Variants in EYS observed in about 807,000 individuals in gnomAD.
The protein encoded by EYS is EGF-like photoreceptor maintenance factor.
Under a neutral mutation model 282.1 loss-of-function variants are expected in EYS, and 250 were observed. The ratio of observed to expected loss-of-function variants is 0.89; its 90% CI spans 0.80 to 0.98. The LOEUF is 0.98. Ranked by LOEUF, EYS falls within the 50% of genes least tolerant of loss-of-function variation. The probability of loss-of-function intolerance (pLI) is 0.00; values close to 1 mark genes in which losing one functional copy is unlikely to be tolerated. For synonymous variants in EYS, 1,355 were observed against 1,282.9 expected (o/e 1.06, Z -1.20); for missense variants, 4,016 against 3,709.0 (o/e 1.08, Z -2.15).
At chr6:64,836,604 T>A (rs563535825) in intron 19 of EYS, among the ~76,000 whole-genome samples, 28 of 151,648 alleles carry the variant, frequency 1.8e-4, no homozygotes, top group African/African-American at 6.5e-4. Flanking sequence ...AAAATTTTTT[T>A]CATAAAAAAG....
intron 5 of EYS, among the ~76,000 whole-genome samples, chr6:65,460,501 G>A (rs1177204161): frequency 6.6e-6 from 1 of 151,944 alleles, no homozygotes; most frequent in Non-Finnish European, 1.5e-5. Context: ...CATCAGACCT[G>A]ATAATTTGGA....
intron 26 of EYS, among the ~76,000 whole-genome samples, chr6:64,450,927 C>G (rs1775310185): frequency 6.6e-6 from 1 of 151,970 alleles, no homozygotes; most frequent in Non-Finnish European, 1.5e-5. Flanking sequence ...AATTGAGACC[C>G]TAACATCAAA....
chr6:65,189,278 A>G (rs2150238447), intron 12 of EYS, among the ~76,000 whole-genome samples: 1 of 151,832 alleles, frequency 6.6e-6, no homozygotes, highest in South Asian at 2.1e-4. Context: ...ATTCAATATC[A>G]ACTTGCCCAC....
intron 18 of EYS, among the ~76,000 whole-genome samples, chr6:64,900,360 C>T (rs542730023): frequency 6.6e-6 from 1 of 152,234 alleles, no homozygotes; most frequent in Non-Finnish European, 1.5e-5. Context: ...GCAATGGCAA[C>T]AAAAGCCAAA....
At chr6:64,363,735 A>T (rs1306508174) in intron 29 of EYS, among the ~76,000 whole-genome samples, 1 of 151,944 alleles carries the variant, frequency 6.6e-6, no homozygotes, top group East Asian at 1.9e-4. Context: ...TTTATGCAAG[A>T]TGTCTTGAAC....
intron 31 of EYS, among the ~76,000 whole-genome samples, chr6:64,191,267 C>T (rs1381977838): frequency 6.6e-6 from 1 of 151,844 alleles, no homozygotes; most frequent in East Asian, 1.9e-4. Context: ...ACCTTCACAC[C>T]ATAGGGAAAT....
intron 29 of EYS, among the ~76,000 whole-genome samples, chr6:64,319,689 A>AGATG (rs10680189): frequency 0.71 from 107,052 of 150,612 alleles, 38,218 homozygotes; most frequent in African/African-American, 0.78. Flanking sequence ...AGGCAATCTC[A>AGATG]GATGGATGGA....
chr6:64,210,881 G>C (rs1765745990), intron 31 of EYS, among the ~76,000 whole-genome samples: 1 of 152,030 alleles, frequency 6.6e-6, no homozygotes, highest in Non-Finnish European at 1.5e-5. Context: ...CAGAAGAAGG[G>C]TGAATTCTCT....
At chr6:65,344,300 A>C in intron 9 of EYS, 123 bp from the exon 10 acceptor site, 1 of 811,968 alleles carries the variant, frequency 1.2e-6, no homozygotes. Context: ...CCACAAAATA[A>C]GTTCCTGTAT....
chr6:64,541,402 T>C (rs1764692031), intron 26 of EYS, among the ~76,000 whole-genome samples: 1 of 152,206 alleles, frequency 6.6e-6, no homozygotes, highest in Admixed American at 6.5e-5. Context: ...TCTTGAGATT[T>C]TTCTAACTTT....
In EYS at chr6:65,001,815, A is replaced by G. The variant is rs1356679125; in HGVS notation, c.2138-4112T>C. ...TTCTACATGTGTGATATAAATTTTAATAAATATTTTGGTTGCCTGGTAGCT... is the reference window on the plus strand; with the variant it reads ...TTCTACATGTGTGATATAAATTTTAGTAAATATTTTGGTTGCCTGGTAGCT... On this transcript the variant is annotated intron_variant, in intron 13 of 42. Coordinates refer to ENST00000503581, the MANE Select transcript of EYS (RefSeq NM_001142800.2). Among the ~76,000 whole-genome samples, 2 of 147,576 alleles carry G rather than the reference A, an allele frequency of 1.4e-5. 1 individual carries two copies. Among genetic ancestry groups the G allele is most frequent in the Non-Finnish European group, 3.0e-5 (2 of 66,030 alleles).
chr6:65,341,623 T>G (rs1218367098), intron 10 of EYS, among the ~76,000 whole-genome samples: 1 of 151,256 alleles, frequency 6.6e-6, no homozygotes, highest in Non-Finnish European at 1.5e-5. Context: ...AAGCACTAGA[T>G]TTTTAATTAT....
At chr6:64,329,114 G>C (rs1313092084) in intron 29 of EYS, among the ~76,000 whole-genome samples, 1 of 152,110 alleles carries the variant, frequency 6.6e-6, no homozygotes, top group East Asian at 1.9e-4. Flanking sequence ...AGGAGCCTAT[G>C]GTCTCAATGG....
intron 30 of EYS, among the ~76,000 whole-genome samples, chr6:64,268,212 G>T (rs1410164738): frequency 6.6e-6 from 1 of 151,874 alleles, no homozygotes; most frequent in Admixed American, 6.6e-5. Context: ...TTTGTGTACT[G>T]ATATGAAAAG....
At chr6:65,558,672 C>T (rs575443038) in intron 2 of EYS, among the ~76,000 whole-genome samples, 1 of 152,198 alleles carries the variant, frequency 6.6e-6, no homozygotes, top group Non-Finnish European at 1.5e-5. Flanking sequence ...CAGCAAGAAA[C>T]ACAACTTCGG....
At chr6:63,727,883 A>G (rs1208824421) in intron 41 of EYS, among the ~76,000 whole-genome samples, 2 of 147,628 alleles carry the variant, frequency 1.4e-5, no homozygotes, top group East Asian at 2.0e-4. Context: ...CTGAGATGGC[A>G]CCACTGCACT....
intron 13 of EYS, among the ~76,000 whole-genome samples, chr6:65,015,325 A>T (rs1464871693): frequency 2.0e-5 from 3 of 152,228 alleles, no homozygotes; most frequent in Non-Finnish European, 4.4e-5. Flanking sequence ...GTTAGTTATC[A>T]CGCTAATTTG....
intron 22 of EYS, among the ~76,000 whole-genome samples, chr6:64,801,426 A>G (rs151301386): frequency 1.8e-3 from 272 of 152,262 alleles, no homozygotes; most frequent in African/African-American, 6.4e-3. Flanking sequence ...TATACTATAC[A>G]GATTATAAAA....
intron 1 of EYS, among the ~76,000 whole-genome samples, chr6:65,700,794 T>C (rs1212765542): frequency 6.6e-6 from 1 of 152,208 alleles, no homozygotes; most frequent in Non-Finnish European, 1.5e-5. Context: ...CCATTTGTAA[T>C]GTGTTTGCCG....
Sources: allele counts gnomAD v4.1 joint callset (sites outside exome capture counted in the v4.1 genomes callset), GRCh38; gene constraint gnomAD v4.1.1; transcripts MANE v1.5; gene names NCBI Gene and HGNC (gene_info 2026-07-23, HGNC 2026-07-21).